COL21A1: variants seen among roughly 807,000 people sequenced by gnomAD.
COL21A1 encodes the protein collagen alpha-1(XXI) chain.
COL21A1 carries 149 observed loss-of-function variants against 137.9 expected under a neutral mutation model. The observed-to-expected ratio is 1.08, with a 90% confidence interval of 0.95 to 1.24. The LOEUF (loss-of-function observed/expected upper bound fraction) is 1.24. Among genes scored for constraint, COL21A1 ranks in the 50% most tolerant of loss-of-function variants. COL21A1 has a pLI of 0.00. For synonymous variants in COL21A1, 456 were observed against 391.5 expected (o/e 1.16, Z -1.95); for missense variants, 1,167 against 1,158.4 (o/e 1.01, Z -0.11).
chr6:56,392,732 A>T (rs2094032139), intron 1 of COL21A1, among the ~76,000 whole-genome samples: 1 of 152,194 alleles, frequency 6.6e-6, no homozygotes, highest in Non-Finnish European at 1.5e-5. Context: ...CCAAGAAAGT[A>T]ATCTCATTTA....
At chr6:56,305,623 G>C (rs1163093895) in intron 1 of COL21A1, among the ~76,000 whole-genome samples, 6 of 152,106 alleles carry the variant, frequency 3.9e-5, no homozygotes, top group Non-Finnish European at 7.3e-5. Context: ...GAGCCTATCT[G>C]TGTCTCATGC....
chr6:56,128,934 C>T (rs1278220749), intron 12 of COL21A1, among the ~76,000 whole-genome samples: 1 of 152,158 alleles, frequency 6.6e-6, no homozygotes, highest in Non-Finnish European at 1.5e-5. Flanking sequence ...GGATTACAGG[C>T]ATGAGCCACC....
chr6:56,351,258 C>T (rs1765705041), intron 1 of COL21A1, among the ~76,000 whole-genome samples: 1 of 152,188 alleles, frequency 6.6e-6, no homozygotes, highest in Non-Finnish European at 1.5e-5. Flanking sequence ...AAGTGATACA[C>T]TTAACAAATA....
chr6:56,309,100 T>TGGTG (rs1466124664), intron 1 of COL21A1, among the ~76,000 whole-genome samples: 1 of 151,336 alleles, frequency 6.6e-6, no homozygotes, highest in Non-Finnish European at 1.5e-5. Context: ...TGGAGTATAG[T>TGGTG]GGTGTGATCT....
intron 10 of COL21A1, among the ~76,000 whole-genome samples, chr6:56,145,176 T>C (rs755561745): frequency 6.6e-6 from 1 of 152,222 alleles, no homozygotes; most frequent in Non-Finnish European, 1.5e-5. Context: ...GATCTAATGC[T>C]AAACATGCAA....
At chr6:56,348,622 G>A (rs1765644557) in intron 1 of COL21A1, among the ~76,000 whole-genome samples, 1 of 152,176 alleles carries the variant, frequency 6.6e-6, no homozygotes, top group Non-Finnish European at 1.5e-5. Context: ...ACAACTTGCT[G>A]GGAGACCAGA....
chr6:56,267,256 T>A (rs1024834968), intron 1 of COL21A1, among the ~76,000 whole-genome samples: 1 of 152,224 alleles, frequency 6.6e-6, no homozygotes, highest in African/African-American at 2.4e-5. Flanking sequence ...CTGATCTTCA[T>A]CAAACCTGCT....
In COL21A1 at chr6:56,276,314, C is replaced by T. The variant is rs562490086; in HGVS notation, c.-38-93658G>A. On this transcript the variant is annotated intron_variant, in intron 1 of 28. Coordinates refer to the COL21A1 transcript ENST00000370819. Reference sequence around the variant, plus strand: ...GGTTCAATCATACCCCAAACCTCAGCATCATGCAATAGAGCTTCAATATAC... The same window carrying T: ...GGTTCAATCATACCCCAAACCTCAGTATCATGCAATAGAGCTTCAATATAC... Among the ~76,000 whole-genome samples, 28 of 152,224 alleles carry T rather than the reference C, an allele frequency of 1.8e-4. 1 individual carries two copies. In the South Asian group the frequency reaches 5.8e-3, roughly 32 times the overall value.
At chr6:56,223,025 CCACATTCTATTCAGAACAAAAA>C (rs1780945141) in intron 1 of COL21A1, among the ~76,000 whole-genome samples, 1 of 114,654 alleles carries the variant, frequency 8.7e-6, no homozygotes, top group Non-Finnish European at 1.7e-5. Flanking sequence ...TAAGAGATAT[CCACATTCTATTCAGAACAAAAA>C]AAAAAAAATT....
chr6:56,349,828 A>G (rs954570591), intron 1 of COL21A1, among the ~76,000 whole-genome samples: 2 of 152,194 alleles, frequency 1.3e-5, no homozygotes, highest in Non-Finnish European at 2.9e-5. Flanking sequence ...AATCTCCTCA[A>G]GTTGCCACTA....
chr6:56,302,876 G>C (rs1257586216), intron 1 of COL21A1, among the ~76,000 whole-genome samples: 4 of 152,128 alleles, frequency 2.6e-5, no homozygotes, highest in African/African-American at 9.7e-5. Flanking sequence ...TAACATTTAA[G>C]TCTTTAATCC....
At chr6:56,167,025 C>G (rs371286065) in intron 6 of COL21A1, 42 bp from the exon 7 acceptor site, 3 of 1,465,178 alleles carry the variant, frequency 2.0e-6, no homozygotes, top group Non-Finnish European at 2.8e-6. Context: ...GAGGCACAAG[C>G]TAATTGTTTT....
At chr6:56,374,234 G>A (rs2152350793) in intron 1 of COL21A1, among the ~76,000 whole-genome samples, 2 of 152,280 alleles carry the variant, frequency 1.3e-5, no homozygotes, top group East Asian at 1.9e-4. Flanking sequence ...CGGAATGGAT[G>A]AAGTGACATT....
intron 19 of COL21A1, among the ~76,000 whole-genome samples, chr6:56,074,487 G>A (rs989954109): frequency 1.3e-5 from 2 of 151,492 alleles, no homozygotes; most frequent in African/African-American, 4.8e-5. Flanking sequence ...ATGCAAGATA[G>A]CATGAAGGCT....
At chr6:56,152,216 C>T (rs75957503) in intron 10 of COL21A1, among the ~76,000 whole-genome samples, 1 of 152,250 alleles carries the variant, frequency 6.6e-6, no homozygotes, top group African/African-American at 2.4e-5. Flanking sequence ...CCTGGGCTCA[C>T]GATTACCTCA....
In COL21A1 at chr6:56,064,614, CT is replaced by C; in HGVS notation, c.2135del (p.Lys712ArgfsTer48). On this transcript the variant is annotated frameshift_variant, in exon 24 of 30. Coordinates refer to ENST00000244728, the MANE Select transcript of COL21A1 (RefSeq NM_030820.4). LOFTEE classifies it high-confidence loss of function. Reference protein sequence around the residue: ...NQGEKGIQGQKGENGRQGIPG... With the variant: ...NQGEKGIQGQXGENGRQGIPG... ...GAATTCCCTGTCTTCCATTTTCTCC[CT>C]TTTGACCCTTTAAAATAAAAAAAAA... The C allele has an allele frequency of 6.3e-7, 1 of 1,587,420 alleles. No homozygotes were observed. The highest frequency in any genetic ancestry group is 8.6e-7 in the Non-Finnish European group (1 of 1,165,614).
In COL21A1 at chr6:56,078,767, C is replaced by T. The variant is rs1427580338; in HGVS notation, c.1813-1194G>A. ...ATTCTATTCAGCTCAATTCAGTTTG[C>T]CACTTCACTATACCATTTGCAGAGA... On this transcript the variant is annotated intron_variant, in intron 17 of 29. Coordinates refer to ENST00000244728, the MANE Select transcript of COL21A1 (RefSeq NM_030820.4). Among the ~76,000 whole-genome samples, 23 of 151,594 alleles carry T rather than the reference C, an allele frequency of 1.5e-4. No individual in the cohort carries two copies. The Admixed American group carries it at 1.5e-3, about 10-fold the overall frequency.
intron 1 of COL21A1, among the ~76,000 whole-genome samples, chr6:56,299,684 A>G (rs1160672887): frequency 6.6e-6 from 1 of 151,956 alleles, no homozygotes; most frequent in Non-Finnish European, 1.5e-5. Flanking sequence ...CATCTTCATC[A>G]ATATCTTATT....
rs529971808 is a variant in COL21A1 at position 56,283,796 on chromosome 6, A to C, written c.-38-101140T>G. Among the ~76,000 whole-genome samples the C allele has an allele frequency of 1.1e-3, 172 of 152,226 alleles. 1 individual carries two copies. The highest frequency in any genetic ancestry group is 3.7e-3 in the African/African-American group (155 of 41,542). ...AATATGTCATAACTCAAAAATTCCA[A>C]TACAAAAAGGATGCAGTCTCAGAAG... On this transcript the variant is annotated intron_variant, in intron 1 of 28. Coordinates refer to the COL21A1 transcript ENST00000370819.
Sources: gnomAD v4.1 joint callset for allele counts (sites outside exome capture counted in the v4.1 genomes callset) on GRCh38, gnomAD v4.1.1 for gene constraint, MANE v1.5 for transcripts, NCBI Gene and HGNC (gene_info 2026-07-23, HGNC 2026-07-21) for gene names.